DNAI4: variants seen among roughly 807,000 people sequenced by gnomAD.
DNAI4 encodes WD repeat domain 78.
DNAI4 carries 85 observed loss-of-function variants against 105.8 expected under a neutral mutation model. The observed-to-expected ratio is 0.80, with a 90% CI of 0.67 to 0.96. DNAI4 has a LOEUF of 0.96. Among genes scored for constraint, DNAI4 ranks in the 40% least tolerant of loss-of-function variants. The pLI is 0.00. For missense variants in DNAI4, 1,014 were observed against 1,005.6 expected (o/e 1.01, Z -0.11); for synonymous variants, 352 against 331.5 (o/e 1.06, Z -0.67).
At chr1:66,888,262 T>A (rs2100746532) in intron 4 of DNAI4, among the ~76,000 whole-genome samples, 1 of 152,144 alleles carries the variant, frequency 6.6e-6, no homozygotes, top group South Asian at 2.1e-4. Context: ...ACTATGGGAA[T>A]TTTTAAAAGG....
intron 6 of DNAI4, among the ~76,000 whole-genome samples, chr1:66,865,172 CA>C (rs1646707256): frequency 6.6e-6 from 1 of 152,140 alleles, no homozygotes; most frequent in African/African-American, 2.4e-5. Flanking sequence ...CCTGTAATCC[CA>C]GCACTTTGGG....
At position 66,821,091 on chromosome 1, in the gene DNAI4, C is replaced by CTTT. The variant is rs55811909; in HGVS notation, c.2496+1267_2496+1269dup. ...GAATCAATATTCTCTAAACATTTCT[C>CTTT]TTTTTTTTTTTTTTTTTTTTTTTTT... On this transcript the variant is annotated intron_variant, in intron 16 of 16. Coordinates refer to ENST00000371026, the MANE Select transcript of DNAI4 (RefSeq NM_024763.5). Among the ~76,000 whole-genome samples the CTTT allele has an allele frequency of 3.1e-3, 250 of 80,324 alleles. 3 individuals carry two copies. The highest frequency in any genetic ancestry group is 3.5e-3 in the African/African-American group (68 of 19,510). The allele number at this position is 80,324 out of a possible 152,430, so 52.7% of individuals were successfully genotyped here.
At chr1:66,838,728 C>T (rs564115004) in intron 9 of DNAI4, among the ~76,000 whole-genome samples, 2 of 152,324 alleles carry the variant, frequency 1.3e-5, no homozygotes, top group Non-Finnish European at 2.9e-5. Flanking sequence ...ACAGTCTTCA[C>T]TACTATATCC....
chr1:66,889,834 ACTT>A (rs1647442903), intron 4 of DNAI4, among the ~76,000 whole-genome samples: 1 of 152,022 alleles, frequency 6.6e-6, no homozygotes, highest in Non-Finnish European at 1.5e-5. Flanking sequence ...AGCTTCCCCT[ACTT>A]CTTCTCCAAA....
intron 1 of DNAI4, among the ~76,000 whole-genome samples, chr1:66,922,088 G>A (rs984317901): frequency 5.9e-5 from 9 of 151,916 alleles, no homozygotes; most frequent in Non-Finnish European, 1.3e-4. Context: ...ATGGGGGTTT[G>A]CCATGTTGCC....
At position 66,814,137 on chromosome 1, in the gene DNAI4, G is replaced by A; in HGVS notation, c.2540C>T (p.Ser847Leu). Residue 847 changes from serine to leucine, a missense_variant, in exon 17 of 17, where the codon TCA becomes TTA. Coordinates refer to ENST00000371026, the MANE Select transcript of DNAI4 (RefSeq NM_024763.5). ...DTLLGSKSNQSA is the reference protein window; with the variant it reads ...DTLLGSKSNQLA ...AATATTAGGAATGATGAATTATGCT[G>A]ATTGGTTTGACTTGGATCCAAGCAA... 6.3e-7 allele frequency: 1 copy of A among 1,589,506 alleles called. No homozygotes were observed.
intron 2 of DNAI4, among the ~76,000 whole-genome samples, chr1:66,903,602 T>C (rs1378669701): frequency 6.6e-6 from 1 of 152,180 alleles, no homozygotes; most frequent in African/African-American, 2.4e-5. Context: ...CAAGTGATTC[T>C]CCTGCCTCAG....
chr1:66,890,680 G>A lies in DNAI4; in HGVS notation c.643+474C>T, dbSNP rs1647529309. 1 of 217,858 alleles carries A rather than the reference G, an allele frequency of 4.6e-6. No individual in the cohort carries two copies. The highest frequency in any genetic ancestry group is 9.0e-6 in the Non-Finnish European group (1 of 110,840). 13.5% of individuals were successfully genotyped at this position (217,858 alleles called of 1,614,324 possible). A position where few individuals can be genotyped will look rare whatever the true frequency, so the allele number is the denominator to read the frequency against. ...AGGAGAAGGAAGCAGAGGAGGAAGA[G>A]GAGGAAGAGGAAGAAGAAGAAGGAG... On this transcript the variant is annotated intron_variant, in intron 4 of 16. Coordinates refer to ENST00000371026, the MANE Select transcript of DNAI4 (RefSeq NM_024763.5). The surrounding 1 kb of genome is among the most constrained non-coding windows in gnomAD (Gnocchi z 4.1).
chr1:66,833,756 G>T, intron 12 of DNAI4, 50 bp from the exon 13 acceptor site: 1 of 1,585,388 alleles, frequency 6.3e-7, no homozygotes. Context: ...ACATGAAAGA[G>T]TACCGCAAAT....
chr1:66,877,822 A>G (rs1646988086), intron 4 of DNAI4, among the ~76,000 whole-genome samples: 1 of 152,120 alleles, frequency 6.6e-6, no homozygotes, highest in Admixed American at 6.5e-5. Flanking sequence ...ATTTTGTAGA[A>G]TGTCCTTCAA....
Position 66,827,054 on chromosome 1 carries a change from TAA to T in DNAI4, c.2113-10_2113-9del. On this transcript the variant is annotated splice_polypyrimidine_tract_variant and intron_variant, in intron 14 of 16. Coordinates refer to ENST00000371026, the MANE Select transcript of DNAI4 (RefSeq NM_024763.5). ...CACTTTATACACTGGACCCTAGAAATAAAAAAAAAATACATAGGTAAATAATA... is the reference window on the plus strand; with the variant it reads ...CACTTTATACACTGGACCCTAGAAATAAAAAAAATACATAGGTAAATAATA... 3 of 1,460,270 alleles carry T rather than the reference TAA, an allele frequency of 2.1e-6. No individual in the cohort carries two copies. The highest frequency in any genetic ancestry group is 2.1e-5 in the Admixed American group (1 of 47,276). 90.5% of individuals were successfully genotyped at this position (1,460,270 alleles called of 1,614,324 possible).
intron 2 of DNAI4, among the ~76,000 whole-genome samples, chr1:66,895,873 T>C (rs1176348108): frequency 6.6e-6 from 1 of 152,218 alleles, no homozygotes; most frequent in East Asian, 1.9e-4. Context: ...TAAACCAATC[T>C]TGATATCTTG....
At chr1:66,830,275 T>C (rs182330104) in intron 13 of DNAI4, among the ~76,000 whole-genome samples, 14 of 152,144 alleles carry the variant, frequency 9.2e-5, no homozygotes, top group African/African-American at 3.4e-4. Flanking sequence ...AAGCCATCTC[T>C]TTGAGTTCAA....
At chr1:66,907,278 C>G (rs941363588) in intron 1 of DNAI4, among the ~76,000 whole-genome samples, 2 of 152,172 alleles carry the variant, frequency 1.3e-5, no homozygotes, top group Non-Finnish European at 2.9e-5. Context: ...TATTCTTCAA[C>G]CTCCTTGAGA....
At chr1:66,913,615 A>ATG (rs1480114238) in intron 1 of DNAI4, among the ~76,000 whole-genome samples, 1 of 152,176 alleles carries the variant, frequency 6.6e-6, no homozygotes, top group African/African-American at 2.4e-5. Flanking sequence ...GGAAATATAT[A>ATG]TAAGGGCTAA....
In DNAI4 at chr1:66,924,694, C is replaced by A; in HGVS notation, c.138G>T (p.Pro46=). The change falls in exon 1 of 17, where the codon CCG becomes CCT. Residue 46 remains proline, a synonymous_variant. Coordinates refer to ENST00000371026, the MANE Select transcript of DNAI4 (RefSeq NM_024763.5). ...PQLVATMPVS[P]AGSHKQQNFG... ...AGTTCTGCTGCTTGTGACTGCCTGC[C>A]GGAGAGACTGGCATGGTGGCGACCA... 1 of 1,614,214 alleles carries A rather than the reference C, an allele frequency of 6.2e-7. No individual in the cohort carries two copies. The highest frequency in any genetic ancestry group is 8.5e-7 in the Non-Finnish European group (1 of 1,180,044).
chr1:66,832,939 C>T (rs1261285417), intron 13 of DNAI4, among the ~76,000 whole-genome samples: 4 of 152,112 alleles, frequency 2.6e-5, no homozygotes, highest in Non-Finnish European at 5.9e-5. Context: ...TCCTGAGAGT[C>T]ACCACGTGAA....
chr1:66,862,145 AC>A lies in DNAI4; in HGVS notation c.1096+1del, dbSNP rs1646639332. 1 of 1,557,028 alleles carries A rather than the reference AC, an allele frequency of 6.4e-7. No individual in the cohort carries two copies. The highest frequency in any genetic ancestry group is 2.3e-5 in the Admixed American group (1 of 44,004). On this transcript the variant is annotated splice_donor_variant, in intron 7 of 16. Transcript: ENST00000371026. LOFTEE classifies it high-confidence loss of function. ...AAAAAACTAAAATAAATGAAATCTT[AC>A]TTTTTTCTGTAGTGCTCCCTGGCAA...
At chr1:66,814,504 G>A (rs1001343254) in intron 16 of DNAI4, among the ~76,000 whole-genome samples, 2 of 152,038 alleles carry the variant, frequency 1.3e-5, no homozygotes, top group Non-Finnish European at 2.9e-5. Flanking sequence ...GAGTGGCTGG[G>A]ACTACAGGCA....
Sources: allele counts gnomAD v4.1 joint callset (sites outside exome capture counted in the v4.1 genomes callset), GRCh38; gene constraint gnomAD v4.1.1; non-coding constraint Gnocchi (gnomAD v3.1); transcripts MANE v1.5; gene names NCBI Gene and HGNC (gene_info 2026-07-23, HGNC 2026-07-21).